CLASRP: variants seen among roughly 807,000 people sequenced by gnomAD.
The protein encoded by CLASRP is CLK4-associating serine/arginine rich protein.
In CLASRP, 52 loss-of-function variants were observed where a neutral mutation model predicts 99.9. The ratio of observed to expected loss-of-function variants is 0.52; its 90% CI spans 0.42 to 0.66. The LOEUF (loss-of-function observed/expected upper bound fraction) is 0.66. Among genes scored for constraint, CLASRP ranks in the 30% least tolerant of loss-of-function variants. CLASRP has a pLI of 0.00. For missense variants in CLASRP, 848 were observed against 999.2 expected (o/e 0.85, Z 2.04); for synonymous variants, 379 against 373.0 (o/e 1.02, Z -0.18).
intron 2 of CLASRP, among the ~76,000 whole-genome samples, chr19:45,043,849 G>T (rs1211073057): frequency 1.3e-5 from 2 of 152,082 alleles, no homozygotes; most frequent in Non-Finnish European, 2.9e-5. Flanking sequence ...GGCCCCAGAA[G>T]TGGCCTAGGA....
intron 15 of CLASRP, 21 bp downstream of exon 15, chr19:45,068,075 C>T (rs768822843): frequency 2.0e-5 from 32 of 1,612,496 alleles, no homozygotes; most frequent in Middle Eastern, 1.7e-4. Flanking sequence ...ATTTGGAACT[C>T]GCCCGTCTAA....
intron 5 of CLASRP, among the ~76,000 whole-genome samples, chr19:45,053,866 C>T (rs1294518978): frequency 6.6e-6 from 1 of 152,162 alleles, no homozygotes; most frequent in Non-Finnish European, 1.5e-5. Context: ...AGTGATCCTC[C>T]TGCCTTGGCC....
intron 10 of CLASRP, among the ~76,000 whole-genome samples, chr19:45,061,344 G>A (rs1237376923): frequency 2.6e-5 from 4 of 152,220 alleles, no homozygotes; most frequent in East Asian, 1.9e-4. Flanking sequence ...GTGCAGGAAC[G>A]CCCAGGCTGG....
Sources: allele counts gnomAD v4.1 joint callset (sites outside exome capture counted in the v4.1 genomes callset), GRCh38; gene constraint gnomAD v4.1.1; transcripts MANE v1.5; gene names NCBI Gene and HGNC (gene_info 2026-07-23, HGNC 2026-07-21).